Variants in RNF10 observed in about 807,000 individuals in gnomAD.
The protein encoded by RNF10 is ring finger protein 10.
In RNF10, 38 loss-of-function variants were observed where a neutral mutation model predicts 91.4. The observed-to-expected ratio is 0.42, with a 90% confidence interval of 0.32 to 0.54. The LOEUF (loss-of-function observed/expected upper bound fraction) is 0.54. Among genes scored for constraint, RNF10 ranks in the 20% least tolerant of loss-of-function variants. The pLI, the probability that RNF10 is intolerant of heterozygous loss-of-function variation, is 0.16. For missense variants in RNF10, 945 were observed against 1,012.0 expected, an observed-to-expected ratio of 0.93 and a Z score of 0.90; for synonymous variants, 364 against 366.3, an observed-to-expected ratio of 0.99 and a Z score of 0.07.
In RNF10 at chr12:120,560,711, C is replaced by G. The variant is rs1381431978; in HGVS notation, c.968-15C>G. 2 of 1,604,320 alleles carry G rather than the reference C, an allele frequency of 1.2e-6. No homozygotes were observed. Among genetic ancestry groups the G allele is most frequent in the Non-Finnish European group, 1.7e-6 (2 of 1,172,376 alleles). ...TGAATGTTGCATTTCTTTGATCTTG[C>G]TGGCATTCTTATAGATGAACAGCAC... On this transcript the variant is annotated splice_polypyrimidine_tract_variant and intron_variant, in intron 6 of 16. Transcript: ENST00000325954.
rs1593077964 is a variant in RNF10, at chr12:120,554,754, A to G, written c.591A>G (p.Thr197=). The G allele has an allele frequency of 6.2e-7, 1 of 1,614,204 alleles. No homozygotes were observed. The highest frequency in any genetic ancestry group is 2.2e-5 in the East Asian group (1 of 44,884). ...QFVVSEDQDY[T]AHFADPDTLV... is the part of the protein sequence containing the mutation. ...TGGTGTCTGAAGACCAAGACTACAC[A>G]GCTCATTTTGCTGATCCTGATACAT... The change falls in exon 4 of 17, where the codon ACA becomes ACG. Residue 197 remains threonine, a synonymous_variant. Coordinates refer to ENST00000325954, the MANE Select transcript of RNF10 (RefSeq NM_014868.5).
In RNF10 at chr12:120,534,729, C is replaced by T; in HGVS notation, c.-83C>T. ...CCGAGAACCGCTGCCGCCGCCGACC[C>T]CCGCCGGCCCTGAACGCCATGAGCC... On this transcript the variant is annotated 5_prime_UTR_variant, in exon 1 of 17. Coordinates refer to ENST00000325954, the MANE Select transcript of RNF10 (RefSeq NM_014868.5). 1 of 1,415,076 alleles carries T rather than the reference C, an allele frequency of 7.1e-7. No homozygotes were observed. Among genetic ancestry groups the T allele is most frequent in the Non-Finnish European group, 9.1e-7 (1 of 1,096,062 alleles). The allele number at this position is 1,415,076 out of a possible 1,614,324, so 87.7% of individuals were successfully genotyped here. A position where few individuals can be genotyped will look rare whatever the true frequency, so the allele number is the denominator to read the frequency against.
chr12:120,538,348 T>C (rs1226849404), intron 1 of RNF10, among the ~76,000 whole-genome samples: 1 of 152,188 alleles, frequency 6.6e-6, no homozygotes, highest in Non-Finnish European at 1.5e-5. Flanking sequence ...ATTAATTTCT[T>C]TGAGATTTTG....
intron 1 of RNF10, among the ~76,000 whole-genome samples, chr12:120,545,666 T>C (rs1243099609): frequency 3.3e-5 from 5 of 152,130 alleles, no homozygotes; most frequent in African/African-American, 1.2e-4. Context: ...GCCTCCCAAG[T>C]ATCTGGGATT....
rs755973320 is a variant in RNF10 at position 120,534,828 on chromosome 12, C to G, written c.17C>G (p.Pro6Arg). 3 of 1,592,714 alleles carry G rather than the reference C, an allele frequency of 1.9e-6. No individual in the cohort carries two copies. Among genetic ancestry groups the G allele is most frequent in the Non-Finnish European group, 2.6e-6 (3 of 1,174,734 alleles). MPLSS[P>R]NAAATASDMD... is the part of the protein sequence containing the mutation. Reference sequence around the variant, plus strand: ...CCCCCGTTGATGCCGCTGAGCTCCCCCAACGCCGCCGCCACCGCCTCCGAC... The same window carrying G: ...CCCCCGTTGATGCCGCTGAGCTCCCGCAACGCCGCCGCCACCGCCTCCGAC... Residue 6 changes from proline (P) to arginine (R), a missense_variant, in exon 1 of 17, where the codon CCC (proline) becomes CGC (arginine). Pro to Arg is a moderately radical substitution (Grantham distance 103). Transcript: ENST00000325954.
At chr12:120,567,475 G>GGT in intron 13 of RNF10, among the ~76,000 whole-genome samples, 1 of 152,264 alleles carries the variant, frequency 6.6e-6, no homozygotes, top group African/African-American at 2.4e-5. Flanking sequence ...GGCCAAGGCG[G>GGT]GTGGATCACG....
intron 1 of RNF10, 146 bp from the exon 2 acceptor site, chr12:120,546,259 A>G (rs1353299838): frequency 1.5e-6 from 1 of 655,904 alleles, no homozygotes; most frequent in East Asian, 2.7e-5. Flanking sequence ...GTCTTGCTCA[A>G]AGCACTCATG....
At chr12:120,539,521 C>CTGG in intron 1 of RNF10, 1 of 863,894 alleles carries the variant, frequency 1.2e-6, no homozygotes, top group Non-Finnish European at 1.7e-6. Context: ...AACTTGCTGA[C>CTGG]TGGTATTCTG....
In RNF10 at chr12:120,563,424, T is replaced by C; in HGVS notation, c.1332T>C (p.Leu444=). ...CTCTGGACACTCCTTCTAGACCTCT[T>C]GCTCTCCCTCTGGTAGAAGAGGAGG... The part of the protein sequence containing the change: ...VCSLDTPSRP[L]ALPLVEEEEA... Residue 444 remains leucine (L), a synonymous_variant, in exon 9 of 17, where the codon CTT becomes CTC. Transcript: ENST00000325954. 1 of 1,614,160 alleles carries C rather than the reference T, an allele frequency of 6.2e-7. No individual in the cohort carries two copies. The highest frequency in any genetic ancestry group is 8.5e-7 in the Non-Finnish European group (1 of 1,180,028).
intron 2 of RNF10, among the ~76,000 whole-genome samples, chr12:120,550,327 G>A (rs535860983): frequency 6.6e-6 from 1 of 152,166 alleles, no homozygotes; most frequent in South Asian, 2.1e-4. Context: ...GTATTGCGAG[G>A]ATAATCAGGA....
intron 14 of RNF10, among the ~76,000 whole-genome samples, chr12:120,573,651 T>C (rs944015638): frequency 6.6e-6 from 1 of 150,992 alleles, no homozygotes; most frequent in African/African-American, 2.4e-5. Context: ...ATCTGGTGAG[T>C]GCCTCAGGCT....
intron 2 of RNF10, among the ~76,000 whole-genome samples, chr12:120,550,668 C>T (rs1046377688): frequency 6.6e-6 from 1 of 151,408 alleles, no homozygotes; most frequent in African/African-American, 2.4e-5. Context: ...GTGATCTCGG[C>T]TCACTGCCAG....
intron 1 of RNF10, among the ~76,000 whole-genome samples, chr12:120,540,864 T>G (rs943040173): frequency 1.6e-3 from 250 of 152,004 alleles, no homozygotes; most frequent in African/African-American, 5.6e-3. Context: ...CTTTTTTTTT[T>G]TTTTTTTGAG....
rs372493264 is a variant in RNF10, at chr12:120,557,336, G to A, written c.700G>A (p.Ala234Thr). ...SCPICLYPPT[A>T]AKITRCGHIF... ...CCCAATATGCCTCTATCCACCTACTGCAGCCAAGATAACCCGTTGTGGACA... is the reference window on the plus strand; with the variant it reads ...CCCAATATGCCTCTATCCACCTACTACAGCCAAGATAACCCGTTGTGGACA... Residue 234 changes from alanine (A) to threonine (T), a missense_variant, in exon 5 of 17, where the codon GCA (alanine) becomes ACA (threonine). Physicochemically the swap from Ala to Thr is moderately conservative, Grantham distance 58. Transcript: ENST00000325954. 2.9e-5 allele frequency: 46 copies of A among 1,614,036 alleles called. No individual in the cohort carries two copies. The highest frequency in any genetic ancestry group is 3.8e-5 in the Non-Finnish European group (45 of 1,180,060).
chr12:120,556,530 CAAAAAAAAAAA>C (rs34889649), intron 4 of RNF10, among the ~76,000 whole-genome samples: 2 of 19,206 alleles, frequency 1.0e-4, no homozygotes, highest in African/African-American at 4.4e-4. Context: ...GACTCCGTCT[CAAAAAAAAAAA>C]AAAAAAAAAA....
At position 120,534,660 on chromosome 12, in the gene RNF10, TG is replaced by T; in HGVS notation, c.-151del. The T allele has an allele frequency of 7.4e-7, 1 of 1,359,348 alleles. No individual in the cohort carries two copies. The highest frequency in any genetic ancestry group is 9.4e-7 in the Non-Finnish European group (1 of 1,063,410). 84.2% of individuals were successfully genotyped at this position (1,359,348 alleles called of 1,614,324 possible). On this transcript the variant is annotated 5_prime_UTR_variant, in exon 1 of 17. Coordinates refer to ENST00000325954, the MANE Select transcript of RNF10 (RefSeq NM_014868.5). Reference sequence around the variant, plus strand: ...CCGTCCGCCGCTTCTCTTCCTAGTTTGAGAAGCCAAGGAAGGAAACAGGGAA... The same window carrying T: ...CCGTCCGCCGCTTCTCTTCCTAGTTTAGAAGCCAAGGAAGGAAACAGGGAA...
intron 2 of RNF10, among the ~76,000 whole-genome samples, chr12:120,549,832 G>T (rs1440440029): frequency 6.6e-6 from 1 of 152,088 alleles, no homozygotes; most frequent in Non-Finnish European, 1.5e-5. Context: ...TTTAAAAAAG[G>T]AAGTGGGCAG....
chr12:120,560,154 G>T (rs78983640), intron 6 of RNF10, among the ~76,000 whole-genome samples: 7,671 of 132,310 alleles, frequency 0.058, 662 homozygotes, highest in African/African-American at 0.2. Context: ...GGTTTTTTTT[G>T]TTTTTTTTTT....
chr12:120,566,163 A>C (rs1225024815), intron 12 of RNF10, among the ~76,000 whole-genome samples: 4 of 152,226 alleles, frequency 2.6e-5, no homozygotes, highest in Non-Finnish European at 2.9e-5. Context: ...GGACAAGTGT[A>C]TACTTGGGGT....
Sources: gnomAD v4.1 joint callset for allele counts (sites outside exome capture counted in the v4.1 genomes callset) on GRCh38, gnomAD v4.1.1 for gene constraint, MANE v1.5 for transcripts, NCBI Gene and HGNC (gene_info 2026-07-23, HGNC 2026-07-21) for gene names.